NCK1: variants seen among roughly 807,000 people sequenced by gnomAD.
The protein encoded by NCK1 is SH2/SH3 adapter protein NCK1.
Under a neutral mutation model 36.6 loss-of-function variants are expected in NCK1, and 19 were observed. The ratio of observed to expected loss-of-function variants is 0.52; its 90% CI spans 0.36 to 0.76. NCK1 has a LOEUF of 0.76. Ranked by LOEUF, NCK1 falls within the 30% of genes least tolerant of loss-of-function variation. The pLI, the probability that NCK1 is intolerant of heterozygous loss-of-function variation, is 0.00. For missense variants in NCK1, 358 were observed against 445.6 expected (o/e 0.80, Z 1.77); for synonymous variants, 165 against 156.0 (o/e 1.06, Z -0.43).
chr3:136,881,526 T>C (rs976183110), intron 1 of NCK1, among the ~76,000 whole-genome samples: 6 of 152,196 alleles, frequency 3.9e-5, no homozygotes, highest in Non-Finnish European at 5.9e-5. Flanking sequence ...TTCTATTTTT[T>C]ATTGTGGTAA....
chr3:136,900,633 G>A (rs1476683300), intron 1 of NCK1, among the ~76,000 whole-genome samples: 2 of 151,968 alleles, frequency 1.3e-5, no homozygotes, highest in East Asian at 3.9e-4. Flanking sequence ...ATTGTAAAAA[G>A]GGAATGCCTT....
intron 1 of NCK1, among the ~76,000 whole-genome samples, chr3:136,923,277 C>T (rs375536148): frequency 5.4e-5 from 8 of 148,332 alleles, no homozygotes; most frequent in African/African-American, 9.9e-5. Context: ...CTGTCCAGGC[C>T]GGGCGCGGTG....
chr3:136,902,637 A>C (rs1032096372), intron 1 of NCK1, among the ~76,000 whole-genome samples: 1 of 152,210 alleles, frequency 6.6e-6, no homozygotes, highest in Non-Finnish European at 1.5e-5. Flanking sequence ...GATGAAAAGA[A>C]TGTGTTCACA....
At chr3:136,917,279 T>G (rs1939993410) in intron 1 of NCK1, among the ~76,000 whole-genome samples, 1 of 151,780 alleles carries the variant, frequency 6.6e-6, no homozygotes, top group Non-Finnish European at 1.5e-5. Flanking sequence ...GTATTTTATG[T>G]GTGGCCTGAG....
intron 1 of NCK1, among the ~76,000 whole-genome samples, chr3:136,906,166 A>G (rs918514976): frequency 2.0e-5 from 3 of 152,054 alleles, no homozygotes; most frequent in Non-Finnish European, 4.4e-5. Context: ...GTCATAGTGT[A>G]GTCTCTGTGT....
chr3:136,908,153 A>G (rs1011580456), intron 1 of NCK1, among the ~76,000 whole-genome samples: 2 of 152,228 alleles, frequency 1.3e-5, no homozygotes, highest in Non-Finnish European at 2.9e-5. Flanking sequence ...TCAGGGAGGA[A>G]AAAAAGCATG....
At chr3:136,916,721 T>C (rs918007028) in intron 1 of NCK1, among the ~76,000 whole-genome samples, 10 of 152,174 alleles carry the variant, frequency 6.6e-5, no homozygotes, top group Non-Finnish European at 1.5e-4. Flanking sequence ...GAGGGTTTAG[T>C]GTAATGAAAA....
intron 1 of NCK1, among the ~76,000 whole-genome samples, chr3:136,875,593 G>A (rs1233104905): frequency 6.6e-6 from 1 of 152,092 alleles, no homozygotes; most frequent in Non-Finnish European, 1.5e-5. Context: ...AATTCAACAC[G>A]AAGAGCTAAC....
chr3:136,890,736 T>A (rs1939220617), intron 1 of NCK1, among the ~76,000 whole-genome samples: 1 of 152,252 alleles, frequency 6.6e-6, no homozygotes, highest in South Asian at 2.1e-4. Flanking sequence ...TGGTAAGATA[T>A]GTGTAACATA....
At chr3:136,929,224 T>G (rs1357052162) in intron 2 of NCK1, among the ~76,000 whole-genome samples, 9 of 152,204 alleles carry the variant, frequency 5.9e-5, no homozygotes, top group Non-Finnish European at 1.0e-4. Context: ...CTTACTACCA[T>G]ACCCAGCTTA....
chr3:136,926,008 C>G (rs528269024), intron 1 of NCK1, among the ~76,000 whole-genome samples: 5 of 152,250 alleles, frequency 3.3e-5, no homozygotes, highest in African/African-American at 1.2e-4. Context: ...TATTACCACT[C>G]TTAGCCATTC....
chr3:136,900,406 T>A (rs983787167), intron 1 of NCK1, among the ~76,000 whole-genome samples: 5 of 152,214 alleles, frequency 3.3e-5, no homozygotes, highest in Non-Finnish European at 7.3e-5. Flanking sequence ...TTTGGTTGTT[T>A]GGGCTCCTTT....
In NCK1 at chr3:136,928,115, G is replaced by T; in HGVS notation, c.114G>T (p.Trp38Cys). 1 of 1,614,152 alleles carries T rather than the reference G, an allele frequency of 6.2e-7. No individual in the cohort carries two copies. The change falls in exon 2 of 4, where the codon TGG becomes TGT. Residue 38 changes from tryptophan (W) to cysteine (C), a missense_variant. Physicochemically the swap from Trp to Cys is radical, Grantham distance 215 (BLOSUM62 -2). Coordinates refer to ENST00000481752, the MANE Select transcript of NCK1 (RefSeq NM_001291999.2). ...RLWLLDDSKS[W>C]WRVRNSMNKT... ...GGCTTCTGGATGATTCTAAGTCCTG[G>T]TGGCGAGTTCGAAATTCCATGAATA...
chr3:136,908,127 A>G (rs892222358), intron 1 of NCK1, among the ~76,000 whole-genome samples: 1 of 152,214 alleles, frequency 6.6e-6, no homozygotes, highest in Non-Finnish European at 1.5e-5. Context: ...ATAGTAAACA[A>G]TGATAAATAT....
rs185201621 is a variant in NCK1, at chr3:136,951,069, T to C, written c.*2616T>C. ...AATAATACTGCTAAACAAAATAGGC[T>C]TCATGCAATCTATTGCCATTGCTAG... On this transcript the variant is annotated 3_prime_UTR_variant, in exon 4 of 4. Transcript: ENST00000481752. Among the ~76,000 whole-genome samples, 209 of 152,268 alleles carry C rather than the reference T, an allele frequency of 1.4e-3. No homozygotes were observed. The highest frequency in any genetic ancestry group is 4.7e-3 in the African/African-American group (196 of 41,556).
chr3:136,887,258 C>T (rs1476238205), intron 1 of NCK1, among the ~76,000 whole-genome samples: 1 of 152,178 alleles, frequency 6.6e-6, no homozygotes. Flanking sequence ...GCCTCCAACT[C>T]TTGGCCTCAA....
chr3:136,891,969 A>G (rs952588122), intron 1 of NCK1, among the ~76,000 whole-genome samples: 1 of 152,204 alleles, frequency 6.6e-6, no homozygotes, highest in African/African-American at 2.4e-5. Flanking sequence ...GCTCATTGCA[A>G]TCTCATCCTC....
chr3:136,910,016 C>A (rs750488135), intron 1 of NCK1, among the ~76,000 whole-genome samples: 5 of 151,952 alleles, frequency 3.3e-5, no homozygotes, highest in Non-Finnish European at 7.4e-5. Context: ...AATTTTTTTT[C>A]TATTCATCTT....
chr3:136,948,249 TC>T lies in NCK1; in HGVS notation c.940-9del. 1 of 1,569,466 alleles carries T rather than the reference TC, an allele frequency of 6.4e-7. No individual in the cohort carries two copies. Among genetic ancestry groups the T allele is most frequent in the Non-Finnish European group, 8.6e-7 (1 of 1,162,666 alleles). On this transcript the variant is annotated splice_polypyrimidine_tract_variant and intron_variant, in intron 3 of 3. Coordinates refer to ENST00000481752, the MANE Select transcript of NCK1 (RefSeq NM_001291999.2). ...ATGTTTACTATATGTATCTTTTTTT[TC>T]TCTTTTAGCCAAATGATTTCTCAGT...
Sources: gnomAD v4.1 joint callset for allele counts (sites outside exome capture counted in the v4.1 genomes callset) on GRCh38, gnomAD v4.1.1 for gene constraint, MANE v1.5 for transcripts, NCBI Gene and HGNC (gene_info 2026-07-23, HGNC 2026-07-21) for gene names.